Variants in CSMD1 observed in about 807,000 individuals in gnomAD.
The protein encoded by CSMD1 is CUB and Sushi multiple domains 1, also known as CUB and sushi domain-containing protein 1.
In CSMD1, 213 loss-of-function variants were observed where a neutral mutation model predicts 417.5. The observed-to-expected ratio is 0.51, with a 90% CI of 0.46 to 0.57. The LOEUF (loss-of-function observed/expected upper bound fraction) is 0.57, where lower values mean the gene tolerates loss of function less well. Among genes scored for constraint, CSMD1 ranks in the 20% least tolerant of loss-of-function variants. CSMD1 has a pLI of 0.00. For synonymous variants in CSMD1, 2,862 were observed against 1,736.8 expected, an observed-to-expected ratio of 1.65 and a Z score of -16.11; for missense variants, 6,923 against 4,529.7, an observed-to-expected ratio of 1.53 and a Z score of -15.17.
chr8:3,864,033 A>G (rs1366923873), intron 5 of CSMD1, among the ~76,000 whole-genome samples: 1 of 152,192 alleles, frequency 6.6e-6, no homozygotes, highest in Non-Finnish European at 1.5e-5. Flanking sequence ...AGGTTTGCAA[A>G]TCTTAGTGAA....
At chr8:4,207,842 G>A (rs777101768) in intron 3 of CSMD1, among the ~76,000 whole-genome samples, 2 of 152,076 alleles carry the variant, frequency 1.3e-5, no homozygotes, top group Non-Finnish European at 2.9e-5. Flanking sequence ...CAGCCCTGGT[G>A]ATGTCAGTGA....
chr8:3,846,035 G>A (rs1295801227), intron 5 of CSMD1, among the ~76,000 whole-genome samples: 1 of 151,792 alleles, frequency 6.6e-6, no homozygotes, highest in Non-Finnish European at 1.5e-5. Flanking sequence ...TGAAAGAGCT[G>A]CCTAAGACTG....
At chr8:3,601,352 T>C (rs1023174581) in intron 8 of CSMD1, among the ~76,000 whole-genome samples, 7 of 152,242 alleles carry the variant, frequency 4.6e-5, no homozygotes, top group African/African-American at 1.7e-4. Flanking sequence ...AGGCAGCAGA[T>C]ACTGAAAGTG....
intron 2 of CSMD1, among the ~76,000 whole-genome samples, chr8:4,455,427 AATG>A (rs1156250645): frequency 2.6e-5 from 4 of 152,128 alleles, no homozygotes; most frequent in Non-Finnish European, 5.9e-5. Flanking sequence ...TTAGAAGGCA[AATG>A]ATGGAGAAAT....
intron 3 of CSMD1, among the ~76,000 whole-genome samples, chr8:4,301,634 G>T (rs1430680970): frequency 2.0e-5 from 3 of 152,146 alleles, no homozygotes; most frequent in Non-Finnish European, 4.4e-5. Flanking sequence ...TGTGGCACTG[G>T]CTGTTTTCTG....
At chr8:4,312,162 G>A (rs537976088) in intron 3 of CSMD1, among the ~76,000 whole-genome samples, 38 of 151,814 alleles carry the variant, frequency 2.5e-4, no homozygotes, top group South Asian at 1.9e-3. Context: ...CGCTTCCTAC[G>A]TGCATTTAGT....
chr8:4,504,874 G>C (rs549193824), intron 2 of CSMD1, among the ~76,000 whole-genome samples: 35 of 152,250 alleles, frequency 2.3e-4, no homozygotes, highest in African/African-American at 7.9e-4. Context: ...TCTCTATCCA[G>C]TCTGTCATTG....
In CSMD1 at chr8:3,711,398, G is replaced by A. The variant is rs181141835; in HGVS notation, c.932-2907C>T. On this transcript the variant is annotated intron_variant, in intron 6 of 69. Coordinates refer to ENST00000635120, the MANE Select transcript of CSMD1 (RefSeq NM_033225.6). ...GGCTGTTCATCTTCAGCCCGTTTCA[G>A]AGAAAGCCCAGAGACAGACAGTCAC... Among the ~76,000 whole-genome samples the A allele has an allele frequency of 1.3e-4, 20 of 152,246 alleles. No individual in the cohort carries two copies. The East Asian group carries it at 3.5e-3, about 27-fold the overall frequency.
At chr8:4,959,074 T>C (rs566692114) in intron 1 of CSMD1, among the ~76,000 whole-genome samples, 7 of 152,324 alleles carry the variant, frequency 4.6e-5, no homozygotes, top group Non-Finnish European at 7.3e-5. Context: ...GATGATTTCA[T>C]CTAGAGGGAA....
chr8:3,532,323 G>A (rs1408460557), intron 10 of CSMD1, among the ~76,000 whole-genome samples: 1 of 152,056 alleles, frequency 6.6e-6, no homozygotes, highest in African/African-American at 2.4e-5. Flanking sequence ...CATCAGCCAG[G>A]GTTTTAAGAA....
intron 10 of CSMD1, among the ~76,000 whole-genome samples, chr8:3,552,938 G>T (rs1798980816): frequency 1.3e-5 from 2 of 152,076 alleles, no homozygotes; most frequent in South Asian, 2.1e-4. Flanking sequence ...TATAATTTTT[G>T]ATAAAACACA....
intron 3 of CSMD1, among the ~76,000 whole-genome samples, chr8:4,172,201 C>G (rs895312410): frequency 1.3e-5 from 2 of 152,048 alleles, no homozygotes; most frequent in Non-Finnish European, 2.9e-5. Context: ...TCTACGCCAT[C>G]TAAAATAAAA....
chr8:4,239,124 A>C (rs1049886526), intron 3 of CSMD1, among the ~76,000 whole-genome samples: 2 of 152,184 alleles, frequency 1.3e-5, no homozygotes, highest in Non-Finnish European at 2.9e-5. Context: ...ATGTGGGTTA[A>C]AACAATTTAC....
At chr8:4,147,319 G>C (rs910455422) in intron 3 of CSMD1, among the ~76,000 whole-genome samples, 1 of 152,074 alleles carries the variant, frequency 6.6e-6, no homozygotes, top group East Asian at 1.9e-4. Flanking sequence ...GAAGCCTTCT[G>C]TATGCTCACC....
In CSMD1 at chr8:4,764,895, C is replaced by CAAA. The variant is rs763804321; in HGVS notation, c.86-127338_86-127337insTTT. ...CTCAAAAAAAAAAAAAAAAAAAAAA[C>CAAA]AACAACAACAAAAAAAAACCTTTGC... On this transcript the variant is annotated intron_variant, in intron 1 of 69. Transcript: ENST00000635120. 1.8e-3 allele frequency among the ~76,000 whole-genome samples: 54 copies of CAAA among 30,562 alleles called. 1 individual carries two copies. Among genetic ancestry groups the CAAA allele is most frequent in the African/African-American group, 6.9e-3 (54 of 7,838 alleles). The allele number at this position is 30,562 out of a possible 152,430, so 20.0% of individuals were successfully genotyped here. A position where few individuals can be genotyped will look rare whatever the true frequency, so the allele number is the denominator to read the frequency against.
intron 7 of CSMD1, among the ~76,000 whole-genome samples, chr8:3,672,505 T>C (rs369887270): frequency 6.6e-6 from 1 of 152,072 alleles, no homozygotes; most frequent in Non-Finnish European, 1.5e-5. Flanking sequence ...TTTAAATATT[T>C]AGATTATATA....
At chr8:4,854,938 T>A (rs1187987140) in intron 1 of CSMD1, among the ~76,000 whole-genome samples, 1 of 152,194 alleles carries the variant, frequency 6.6e-6, no homozygotes, top group East Asian at 1.9e-4. Flanking sequence ...TGCCTGCCTC[T>A]GTAGGCTCCA....
intron 3 of CSMD1, among the ~76,000 whole-genome samples, chr8:4,039,910 G>C (rs1257452120): frequency 6.6e-6 from 1 of 152,146 alleles, no homozygotes; most frequent in Non-Finnish European, 1.5e-5. Flanking sequence ...ATCTTAGAAA[G>C]GGGAATGAAA....
chr8:4,961,393 T>C lies in CSMD1; in HGVS notation c.85+32939A>G, dbSNP rs189489588. On this transcript the variant is annotated intron_variant, in intron 1 of 69. Coordinates refer to ENST00000635120, the MANE Select transcript of CSMD1 (RefSeq NM_033225.6). Reference sequence around the variant, plus strand: ...CCTGAGGCATTCAGTAGAATGTTTGTCTCAACTTCACTTTTCTCACAGGCT... The same window carrying C: ...CCTGAGGCATTCAGTAGAATGTTTGCCTCAACTTCACTTTTCTCACAGGCT... 6.5e-4 allele frequency among the ~76,000 whole-genome samples: 99 copies of C among 152,264 alleles called. 1 individual carries two copies. The highest frequency in any genetic ancestry group is 1.3e-3 in the Non-Finnish European group (91 of 68,014).
Sources: gnomAD v4.1 joint callset for allele counts (sites outside exome capture counted in the v4.1 genomes callset) on GRCh38, gnomAD v4.1.1 for gene constraint, MANE v1.5 for transcripts, NCBI Gene and HGNC (gene_info 2026-07-23, HGNC 2026-07-21) for gene names.